The following CYP3A7 variants were observed in gnomAD, a reference collection of about 807,000 sequenced individuals.
CYP3A7 encodes cytochrome P450 family 3 subfamily A member 7.
In CYP3A7, 45 loss-of-function variants were observed where a neutral mutation model predicts 55.2. That is an observed-to-expected ratio of 0.82 (90% confidence interval 0.64 to 1.05). CYP3A7 has a LOEUF of 1.05. CYP3A7 is among the 50% of genes least tolerant of loss of function. The pLI, the probability that CYP3A7 is intolerant of heterozygous loss-of-function variation, is 0.00. For synonymous variants in CYP3A7, 180 were observed against 207.4 expected (o/e 0.87, Z 1.13); for missense variants, 548 against 605.3 (o/e 0.91, Z 0.99).
chr7:99,707,563 A>G (rs532200757), intron 12 of CYP3A7, among the ~76,000 whole-genome samples: 18 of 152,228 alleles, frequency 1.2e-4, no homozygotes, highest in Non-Finnish European at 2.4e-4. Context: ...ATTTTGCTCA[A>G]GTTCAAGGAG....
chr7:99,706,966 A>G (rs1813549735), intron 12 of CYP3A7, among the ~76,000 whole-genome samples: 1 of 152,252 alleles, frequency 6.6e-6, no homozygotes. Flanking sequence ...ACAAAACTCA[A>G]TGATTTAATG....
At chr7:99,732,534 C>G (rs1043763527) in intron 1 of CYP3A7, among the ~76,000 whole-genome samples, 1 of 152,160 alleles carries the variant, frequency 6.6e-6, no homozygotes, top group Non-Finnish European at 1.5e-5. Flanking sequence ...CTGCTGCTCC[C>G]TATAGCAGGC....
rs1344365349 is a variant in CYP3A7, at chr7:99,731,133, C to T, written c.91G>A (p.Gly31Arg). Residue 31 changes from glycine to arginine, a missense_variant, in exon 2 of 13, where the codon GGA (glycine) becomes AGA (arginine). Physicochemically the swap from Gly to Arg is moderately radical, Grantham distance 125. Coordinates refer to ENST00000336374, the MANE Select transcript of CYP3A7 (RefSeq NM_000765.5). ...GGAATTCCAAGCTTCTTAAAAAGTCCATGTGTACGGGTTCCATATCTACAA... is the reference window on the plus strand; with the variant it reads ...GGAATTCCAAGCTTCTTAAAAAGTCTATGTGTACGGGTTCCATATCTACAA... ...LLYLYGTRTH[G>R]LFKKLGIPGP... The T allele has an allele frequency of 6.2e-7, 1 of 1,613,800 alleles. No individual in the cohort carries two copies. Among genetic ancestry groups the T allele is most frequent in the Non-Finnish European group, 8.5e-7 (1 of 1,179,816 alleles).
At chr7:99,716,914 A>C (rs1162442135) in intron 6 of CYP3A7, among the ~76,000 whole-genome samples, 2 of 152,230 alleles carry the variant, frequency 1.3e-5, no homozygotes, top group Non-Finnish European at 2.9e-5. Flanking sequence ...GGATGTATTT[A>C]GTCCTCCAGA....
In CYP3A7 at chr7:99,729,342, C is replaced by A. The variant is rs534347227; in HGVS notation, c.165+1717G>T. 9.1e-4 allele frequency among the ~76,000 whole-genome samples: 139 copies of A among 152,278 alleles called. 1 individual carries two copies. Among genetic ancestry groups the A allele is most frequent in the Middle Eastern group, 6.8e-3 (2 of 294 alleles). ...GCCTAAATTCCTATTCCTTGTAACT[C>A]ATTATAAAATTTTCTTTAAGGTGTC... On this transcript the variant is annotated intron_variant, in intron 2 of 12. Coordinates refer to ENST00000336374, the MANE Select transcript of CYP3A7 (RefSeq NM_000765.5).
intron 1 of CYP3A7, among the ~76,000 whole-genome samples, chr7:99,732,666 T>C (rs56145886): frequency 0.018 from 2,707 of 152,202 alleles, 74 homozygotes; most frequent in African/African-American, 0.06. Context: ...AGCAGAAAAG[T>C]TGATGGAAGA....
intron 1 of CYP3A7, among the ~76,000 whole-genome samples, 165 bp from the exon 2 acceptor site, chr7:99,731,317 G>A (rs545350277): frequency 1.3e-5 from 2 of 152,244 alleles, no homozygotes; most frequent in East Asian, 3.9e-4. Flanking sequence ...TGTTCATCAG[G>A]TCCTTTCATG....
chr7:99,723,533 A>T (rs1814289465), intron 2 of CYP3A7, among the ~76,000 whole-genome samples: 1 of 152,164 alleles, frequency 6.6e-6, no homozygotes, highest in Non-Finnish European at 1.5e-5. Context: ...TATTGCTCAC[A>T]CAAAGACTGT....
chr7:99,710,569 C>A (rs964520312), intron 10 of CYP3A7, among the ~76,000 whole-genome samples, 163 bp downstream of exon 10: 1 of 152,224 alleles, frequency 6.6e-6, no homozygotes, highest in Non-Finnish European at 1.5e-5. Context: ...CAATAGCAAC[C>A]ATTCCCTATG....
In CYP3A7 at chr7:99,707,916, C is replaced by T; in HGVS notation, c.1312G>A (p.Gly438Arg). ...CTCATGCCAATGCAGTTTCTGGGTC[C>T]ACTTCCAAAGGGTGTGTATATGTAA... Reference protein sequence around the residue: ...DPYIYTPFGSGPRNCIGMRFA... With the variant: ...DPYIYTPFGSRPRNCIGMRFA... The change falls in exon 12 of 13, where the codon GGA (glycine) becomes AGA (arginine). Residue 438 changes from glycine to arginine, a missense_variant. Transcript: ENST00000336374. 6.2e-7 allele frequency: 1 copy of T among 1,614,030 alleles called. No individual in the cohort carries two copies. The highest frequency in any genetic ancestry group is 8.5e-7 in the Non-Finnish European group (1 of 1,179,916).
chr7:99,714,710 C>G, intron 7 of CYP3A7, 28 bp from the exon 8 acceptor site: 2 of 1,604,256 alleles, frequency 1.2e-6, no homozygotes, highest in Non-Finnish European at 1.7e-6. Context: ...CAACAGAAAA[C>G]GAAACCATTG....
At chr7:99,711,802 A>AAC (rs1813759742) in intron 9 of CYP3A7, among the ~76,000 whole-genome samples, 6 of 128,098 alleles carry the variant, frequency 4.7e-5, no homozygotes, top group Non-Finnish European at 9.2e-5. Context: ...ACAACAACAA[A>AAC]AACAGAAATG....
At chr7:99,731,631 G>T (rs948301935) in intron 1 of CYP3A7, among the ~76,000 whole-genome samples, 8 of 152,166 alleles carry the variant, frequency 5.3e-5, no homozygotes, top group African/African-American at 1.9e-4. Context: ...GAGAGCCTAT[G>T]GTGACCCTGT....
At chr7:99,722,430 A>C in intron 2 of CYP3A7, 82 bp from the exon 3 acceptor site, 1 of 1,533,418 alleles carries the variant, frequency 6.5e-7, no homozygotes, top group Non-Finnish European at 8.9e-7. Context: ...AAAACAGTCA[A>C]ATCCAATGAA....
intron 3 of CYP3A7, 25 bp downstream of exon 3, chr7:99,722,271 C>G (rs778280080): frequency 6.2e-7 from 1 of 1,613,414 alleles, no homozygotes; most frequent in Admixed American, 1.7e-5. Context: ...CAAGTCTATC[C>G]AATGGAATCT....
At chr7:99,707,157 G>A (rs1165418230) in intron 12 of CYP3A7, among the ~76,000 whole-genome samples, 1 of 152,296 alleles carries the variant, frequency 6.6e-6, no homozygotes, top group Middle Eastern at 3.4e-3. Context: ...TTATAATTGA[G>A]TTGAAAAGGA....
At chr7:99,712,086 G>T (rs1189108892) in intron 9 of CYP3A7, among the ~76,000 whole-genome samples, 1 of 152,166 alleles carries the variant, frequency 6.6e-6, no homozygotes, top group Non-Finnish European at 1.5e-5. Flanking sequence ...CCCCTCTCTT[G>T]ATTTTTTTCC....
rs1165361414 is a variant in CYP3A7 at position 99,709,174 on chromosome 7, T to C, written c.1114A>G (p.Arg372Gly). Residue 372 changes from arginine (R) to glycine (G), a missense_variant, in exon 11 of 13, where the codon AGA becomes GGA. Transcript: ENST00000336374. The stretch of plus-strand genomic sequence containing the variant: ...TCTTTTTTGCAGACCCTCTCAAGTC[T>C]CATAGCAACTGGGAATAATCTGAGT... Reference protein sequence around the residue: ...ETLRLFPVAMRLERVCKKDVE... With the variant: ...ETLRLFPVAMGLERVCKKDVE... 1 of 1,613,910 alleles carries C rather than the reference T, an allele frequency of 6.2e-7. No individual in the cohort carries two copies. The highest frequency in any genetic ancestry group is 1.7e-5 in the Admixed American group (1 of 59,968).
At chr7:99,725,160 G>A (rs181510946) in intron 2 of CYP3A7, among the ~76,000 whole-genome samples, 242 of 152,208 alleles carry the variant, frequency 1.6e-3, no homozygotes, top group African/African-American at 5.4e-3. Context: ...ACTACCCAAG[G>A]TAAAGATGAA....
Sources: allele counts gnomAD v4.1 joint callset (sites outside exome capture counted in the v4.1 genomes callset), GRCh38; gene constraint gnomAD v4.1.1; transcripts MANE v1.5; gene names NCBI Gene and HGNC (gene_info 2026-07-23, HGNC 2026-07-21).